Variants in ANAPC16 observed in about 807,000 individuals in gnomAD.
The protein encoded by ANAPC16 is anaphase promoting complex subunit 16.
A neutral mutation model predicts 13.1 loss-of-function variants in ANAPC16; 6 were observed. That is an observed-to-expected ratio of 0.46 (90% CI 0.25 to 0.90). The LOEUF (loss-of-function observed/expected upper bound fraction) is 0.90, where lower values mean the gene tolerates loss of function less well. ANAPC16 is among the 40% of genes least tolerant of loss of function. ANAPC16 has a pLI of 0.18. For missense variants in ANAPC16, 113 were observed against 131.1 expected (o/e 0.86, Z 0.67); for synonymous variants, 55 against 51.3 (o/e 1.07, Z -0.31).
chr10:72,232,610 A>AT (rs201847483), intron 3 of ANAPC16, among the ~76,000 whole-genome samples: 74 of 136,562 alleles, frequency 5.4e-4, no homozygotes, highest in Non-Finnish European at 5.2e-4. Flanking sequence ...CCATCTAGAA[A>AT]TTTTTTTTTT....
chr10:72,219,152 T>C (rs1437320799), intron 1 of ANAPC16, among the ~76,000 whole-genome samples: 17 of 152,222 alleles, frequency 1.1e-4, no homozygotes, highest in Admixed American at 1.1e-3. Context: ...CCGTGGGTTC[T>C]ACTCTGAACT....
intron 1 of ANAPC16, among the ~76,000 whole-genome samples, chr10:72,221,235 TTTAA>T (rs1296267483): frequency 6.6e-6 from 1 of 152,176 alleles, no homozygotes; most frequent in Non-Finnish European, 1.5e-5. Context: ...AGTCCTTTCT[TTTAA>T]TTGGGCTAAA....
rs1197950498 is a variant in ANAPC16 at position 72,234,884 on chromosome 10, CTCCCACCTTTAA to C, written c.*1774_*1785del. The C allele has an allele frequency of 2.6e-5, 4 of 152,222 alleles. No homozygotes were observed. Among genetic ancestry groups the C allele is most frequent in the African/African-American group, 9.7e-5 (4 of 41,444 alleles). The allele number at this position is 152,222 out of a possible 1,614,324, so 9.4% of individuals were successfully genotyped here. A position where few individuals can be genotyped will look rare whatever the true frequency, so the allele number is the denominator to read the frequency against. On this transcript the variant is annotated 3_prime_UTR_variant, in exon 4 of 4. Coordinates refer to ENST00000299381, the MANE Select transcript of ANAPC16 (RefSeq NM_173473.4). ...GCAAATTGGAGACTGGGCACAGTGG[CTCCCACCTTTAA>C]TCCCAGCACCTGGGGAGGCTGAGGT... is the stretch of plus-strand genomic sequence containing the variant.
At position 72,216,550 on chromosome 10, in the gene ANAPC16, G is replaced by T. The variant is rs1859390153; in HGVS notation, c.-28+412G>T. ...GTTGTAATCCAGCTGTTTTGAAGTGGAACGATTTGTTGATGATGGAATTTA... is the reference window on the plus strand; with the variant it reads ...GTTGTAATCCAGCTGTTTTGAAGTGTAACGATTTGTTGATGATGGAATTTA... On this transcript the variant is annotated intron_variant, in intron 1 of 3. Coordinates refer to ENST00000299381, the MANE Select transcript of ANAPC16 (RefSeq NM_173473.4). Among the ~76,000 whole-genome samples, 6 of 148,642 alleles carry T rather than the reference G, an allele frequency of 4.0e-5. No homozygotes were observed. The South Asian group carries it at 1.1e-3, about 26-fold the overall frequency.
chr10:72,217,472 C>CAAAA (rs11393524), intron 1 of ANAPC16, among the ~76,000 whole-genome samples: 1 of 84,558 alleles, frequency 1.2e-5, no homozygotes, highest in African/African-American at 3.4e-5. Flanking sequence ...GAATCCGTCT[C>CAAAA]AAAAAAAAAA....
intron 2 of ANAPC16, among the ~76,000 whole-genome samples, chr10:72,227,443 T>G (rs1341891723): frequency 6.6e-6 from 1 of 152,178 alleles, no homozygotes; most frequent in Non-Finnish European, 1.5e-5. Flanking sequence ...TTCTTACATT[T>G]CAAGTTTTAC....
At chr10:72,225,173 A>G (rs1323784803) in intron 2 of ANAPC16, among the ~76,000 whole-genome samples, 1 of 151,962 alleles carries the variant, frequency 6.6e-6, no homozygotes, top group Non-Finnish European at 1.5e-5. Flanking sequence ...ATCCCAGCTA[A>G]TCGGGAGGCT....
At position 72,230,276 on chromosome 10, in the gene ANAPC16, G is replaced by C. The variant is rs1047541091; in HGVS notation, c.143-90G>C. 3 of 950,852 alleles carry C rather than the reference G, an allele frequency of 3.2e-6. No homozygotes were observed. The African/African-American group carries it at 4.9e-5, about 15-fold the overall frequency. 58.9% of individuals were successfully genotyped at this position (950,852 alleles called of 1,614,324 possible). A position where few individuals can be genotyped will look rare whatever the true frequency, so the allele number is the denominator to read the frequency against. ...TGAGAACTAGACCCTGAATGTACAA[G>C]CAGGGAAAAGAATAGACAAGTTTAC... On this transcript the variant is annotated intron_variant, in intron 2 of 3. Coordinates refer to ENST00000299381, the MANE Select transcript of ANAPC16 (RefSeq NM_173473.4).
In ANAPC16 at chr10:72,230,459, C is replaced by T. The variant is rs200696651; in HGVS notation, c.217+19C>T. The T allele has an allele frequency of 1.6e-5, 26 of 1,606,022 alleles. No homozygotes were observed. Among genetic ancestry groups the T allele is most frequent in the African/African-American group, 4.0e-5 (3 of 74,812 alleles). On this transcript the variant is annotated intron_variant, in intron 3 of 3. Coordinates refer to ENST00000299381, the MANE Select transcript of ANAPC16 (RefSeq NM_173473.4). ...AAACATGGTAAGCACATGAGTGTTG[C>T]GTACTTGACTGTGAGAATAAATTTG...
intron 2 of ANAPC16, 58 bp from the exon 3 acceptor site, chr10:72,230,308 T>A (rs557599815): frequency 7.4e-7 from 1 of 1,353,740 alleles, no homozygotes; most frequent in Non-Finnish European, 1.1e-6. Flanking sequence ...TTACTTGGTT[T>A]ATCAGAAGCC....
chr10:72,231,790 T>C (rs1300335452), intron 3 of ANAPC16, among the ~76,000 whole-genome samples: 2 of 151,962 alleles, frequency 1.3e-5, no homozygotes, highest in Non-Finnish European at 2.9e-5. Context: ...CTCTTGACCT[T>C]GTGATCCGCC....
rs188916168 is a variant in ANAPC16 at position 72,226,216 on chromosome 10, G to A, written c.142+2160G>A. Among the ~76,000 whole-genome samples, 371 of 151,656 alleles carry A rather than the reference G, an allele frequency of 2.4e-3. 1 individual carries two copies. Among genetic ancestry groups the A allele is most frequent in the African/African-American group, 8.7e-3 (359 of 41,398 alleles). On this transcript the variant is annotated intron_variant, in intron 2 of 3. Transcript: ENST00000299381. ...ATATTTTTAATAGAGGCAGGGTTTC[G>A]CCATGTTGCCCAGGCTGAGCTTGAA...
intron 3 of ANAPC16, among the ~76,000 whole-genome samples, chr10:72,231,940 A>C (rs1215641863): frequency 2.0e-5 from 3 of 151,790 alleles, no homozygotes; most frequent in Non-Finnish European, 4.4e-5. Flanking sequence ...TAATCCCAAC[A>C]ATTTGGGAGG....
intron 2 of ANAPC16, among the ~76,000 whole-genome samples, chr10:72,226,230 G>A (rs1196777366): frequency 1.3e-5 from 2 of 151,792 alleles, no homozygotes; most frequent in Non-Finnish European, 2.9e-5. Flanking sequence ...TGTTGCCCAG[G>A]CTGAGCTTGA....
intron 3 of ANAPC16, among the ~76,000 whole-genome samples, chr10:72,232,120 A>T (rs1208150995): frequency 7.1e-6 from 1 of 141,398 alleles, no homozygotes; most frequent in Non-Finnish European, 1.5e-5. Flanking sequence ...CAGGAGACAG[A>T]GGTTGCAGTG....
chr10:72,221,769 G>C (rs1369897549), intron 1 of ANAPC16, among the ~76,000 whole-genome samples: 2 of 117,036 alleles, frequency 1.7e-5, no homozygotes, highest in Admixed American at 2.0e-4. Context: ...TCACTCTTTT[G>C]CCCAGGCTGG....
chr10:72,232,058 T>C (rs1440380412), intron 3 of ANAPC16, among the ~76,000 whole-genome samples: 2 of 150,752 alleles, frequency 1.3e-5, no homozygotes, highest in Non-Finnish European at 3.0e-5. Flanking sequence ...TGGTGGCATA[T>C]GCCTGTAATT....
chr10:72,231,365 C>T (rs1860296115), intron 3 of ANAPC16, among the ~76,000 whole-genome samples: 1 of 151,906 alleles, frequency 6.6e-6, no homozygotes, highest in Admixed American at 6.6e-5. Context: ...TGGTGAAACC[C>T]CATATCTAAA....
intron 2 of ANAPC16, among the ~76,000 whole-genome samples, chr10:72,224,366 A>C (rs1564792612): frequency 6.6e-6 from 1 of 152,180 alleles, no homozygotes; most frequent in East Asian, 1.9e-4. Context: ...TTATCCCAGC[A>C]CTTTGGGAGA....
Sources: gnomAD v4.1 joint callset for allele counts (sites outside exome capture counted in the v4.1 genomes callset) on GRCh38, gnomAD v4.1.1 for gene constraint, MANE v1.5 for transcripts, NCBI Gene and HGNC (gene_info 2026-07-23, HGNC 2026-07-21) for gene names.